The following KCNIP4 variants were observed in gnomAD, a reference collection of about 807,000 sequenced individuals.
KCNIP4 encodes potassium voltage-gated channel interacting protein 4.
In KCNIP4, 12 loss-of-function variants were observed where a neutral mutation model predicts 34.0. The observed-to-expected ratio is 0.35, with a 90% CI of 0.23 to 0.57. The LOEUF (loss-of-function observed/expected upper bound fraction) is 0.57, where lower values mean the gene tolerates loss of function less well. KCNIP4 is among the 20% of genes least tolerant of loss of function. The probability of loss-of-function intolerance (pLI) is 0.83; values close to 1 mark genes in which losing one functional copy is unlikely to be tolerated. For missense variants in KCNIP4, 238 were observed against 311.7 expected, an observed-to-expected ratio of 0.76 and a Z score of 1.78; for synonymous variants, 124 against 102.2, an observed-to-expected ratio of 1.21 and a Z score of -1.29.
chr4:20,730,430 CTACAGAGG>C, intron 8 of KCNIP4, among the ~76,000 whole-genome samples: 1 of 152,068 alleles, frequency 6.6e-6, no homozygotes, highest in Non-Finnish European at 1.5e-5. Flanking sequence ...AAAATGGAAA[CTACAGAGG>C]TGCAGAGGTG....
At chr4:21,092,833 T>C (rs929246144) in intron 1 of KCNIP4, among the ~76,000 whole-genome samples, 4 of 152,234 alleles carry the variant, frequency 2.6e-5, no homozygotes, top group African/African-American at 9.6e-5. Context: ...GGGAACAGTG[T>C]TGTACATGAC....
chr4:21,666,707 C>T (rs984437), intron 1 of KCNIP4, among the ~76,000 whole-genome samples: 47,240 of 151,894 alleles, frequency 0.31, 8,755 homozygotes, highest in East Asian at 0.74. Flanking sequence ...AGCAGCTTTA[C>T]AGACATTAAA....
At chr4:21,155,436 G>T (rs1353000205) in intron 1 of KCNIP4, among the ~76,000 whole-genome samples, 1 of 152,214 alleles carries the variant, frequency 6.6e-6, no homozygotes, top group Non-Finnish European at 1.5e-5. Flanking sequence ...AGGTTGAAGT[G>T]AAGAATCTTC....
intron 1 of KCNIP4, among the ~76,000 whole-genome samples, chr4:21,004,905 A>G (rs1341830441): frequency 6.6e-6 from 1 of 151,948 alleles, no homozygotes; most frequent in African/African-American, 2.4e-5. Context: ...AAAGTGGTGC[A>G]AGCATGACAT....
intron 1 of KCNIP4, among the ~76,000 whole-genome samples, chr4:21,242,568 G>A (rs1226880243): frequency 6.6e-6 from 1 of 152,138 alleles, no homozygotes; most frequent in Non-Finnish European, 1.5e-5. Context: ...CACCTCCAAT[G>A]TGTTTGGGGA....
chr4:21,817,678 T>C (rs1197764818), intron 1 of KCNIP4, among the ~76,000 whole-genome samples: 1 of 152,134 alleles, frequency 6.6e-6, no homozygotes, highest in Middle Eastern at 3.2e-3. Flanking sequence ...TCTGGGAATG[T>C]CTGTCTTATG....
intron 1 of KCNIP4, among the ~76,000 whole-genome samples, chr4:21,106,329 G>T (rs1268527557): frequency 6.6e-6 from 1 of 151,500 alleles, no homozygotes. Flanking sequence ...TTGGGAGGAG[G>T]GTGTATGTGT....
chr4:21,216,497 T>C (rs1259578236), intron 1 of KCNIP4, among the ~76,000 whole-genome samples: 21 of 152,348 alleles, frequency 1.4e-4, no homozygotes, highest in Non-Finnish European at 1.5e-5. Context: ...ACTATACTAG[T>C]ATTTGTCCTA....
At chr4:21,426,629 C>T (rs1725951201) in intron 1 of KCNIP4, among the ~76,000 whole-genome samples, 1 of 151,854 alleles carries the variant, frequency 6.6e-6, no homozygotes, top group East Asian at 1.9e-4. Context: ...AAAATGTATC[C>T]TTTGATAAAG....
chr4:20,928,116 G>A (rs981947502), intron 1 of KCNIP4, among the ~76,000 whole-genome samples: 2 of 151,878 alleles, frequency 1.3e-5, no homozygotes, highest in Non-Finnish European at 2.9e-5. Flanking sequence ...TTTTTTCAGA[G>A]TATGAAAAAT....
chr4:20,916,988 TATATA>T lies in KCNIP4; in HGVS notation c.62-34284_62-34280del, dbSNP rs1728889672. On this transcript the variant is annotated intron_variant, in intron 1 of 8. Transcript: ENST00000382152. ...TCCACCATTGACCATCTTATGTTTA[TATATA>T]TATATATATATATATATATATATAT... Among the ~76,000 whole-genome samples the T allele has an allele frequency of 4.3e-3, 132 of 30,372 alleles. 25 individuals carry two copies. Among genetic ancestry groups the T allele is most frequent in the Non-Finnish European group, 7.5e-3 (93 of 12,430 alleles). 19.9% of individuals were successfully genotyped at this position (30,372 alleles called of 152,430 possible). A position where few individuals can be genotyped will look rare whatever the true frequency, so the allele number is the denominator to read the frequency against.
intron 1 of KCNIP4, among the ~76,000 whole-genome samples, chr4:20,952,630 A>T (rs2149643170): frequency 6.6e-6 from 1 of 152,274 alleles, no homozygotes; most frequent in Non-Finnish European, 1.5e-5. Flanking sequence ...TTTTCCCATC[A>T]CCTGACTTTA....
At position 21,211,450 on chromosome 4, in the gene KCNIP4, G is replaced by A. The variant is rs147393581; in HGVS notation, c.62-328741C>T. Among the ~76,000 whole-genome samples the A allele has an allele frequency of 1.3e-3, 199 of 152,166 alleles. 2 individuals are homozygous for A. The highest frequency in any genetic ancestry group is 6.2e-3 in the East Asian group (32 of 5,154). ...TAGAGTCTCATAAAAGTGCGGACCC[G>A]ATTGTGAGCTGCGTATGTGAGGGAT... On this transcript the variant is annotated intron_variant, in intron 1 of 8. Transcript: ENST00000382152.
At chr4:21,896,220 C>T (rs757104914) in intron 1 of KCNIP4, among the ~76,000 whole-genome samples, 10 of 152,136 alleles carry the variant, frequency 6.6e-5, no homozygotes, top group Non-Finnish European at 1.2e-4. Flanking sequence ...TATGCAGATA[C>T]AGTCACCACT....
At chr4:21,430,749 C>G (rs1726370641) in intron 1 of KCNIP4, among the ~76,000 whole-genome samples, 1 of 152,042 alleles carries the variant, frequency 6.6e-6, no homozygotes, top group Admixed American at 6.6e-5. Context: ...GGCTTAGTAA[C>G]TTACCCAAGG....
chr4:21,712,782 A>T (rs28691092), intron 1 of KCNIP4, among the ~76,000 whole-genome samples: 13,325 of 149,374 alleles, frequency 0.089, 1,619 homozygotes, highest in African/African-American at 0.28. Flanking sequence ...AGAGATTTTT[A>T]AAAAAAAAAA....
intron 1 of KCNIP4, among the ~76,000 whole-genome samples, chr4:21,305,444 T>C (rs1391157819): frequency 6.6e-6 from 1 of 152,124 alleles, no homozygotes; most frequent in Non-Finnish European, 1.5e-5. Flanking sequence ...AAAGAGTGAG[T>C]GCTCAATCAC....
intron 1 of KCNIP4, among the ~76,000 whole-genome samples, chr4:20,964,906 CAA>C (rs1335788944): frequency 6.6e-6 from 1 of 151,962 alleles, no homozygotes; most frequent in East Asian, 1.9e-4. Context: ...GAGATTTTTT[CAA>C]TTAGGAGGCA....
At chr4:20,948,029 G>C (rs1203668371) in intron 1 of KCNIP4, among the ~76,000 whole-genome samples, 1 of 152,174 alleles carries the variant, frequency 6.6e-6, no homozygotes, top group African/African-American at 2.4e-5. Context: ...GGTTGCCATG[G>C]AAAGCCAACG....
Sources: allele counts gnomAD v4.1 joint callset (sites outside exome capture counted in the v4.1 genomes callset), GRCh38; gene constraint gnomAD v4.1.1; transcripts MANE v1.5; gene names NCBI Gene and HGNC (gene_info 2026-07-23, HGNC 2026-07-21).